The following SPAG16 variants were observed in gnomAD, a reference collection of about 807,000 sequenced individuals.
SPAG16 encodes sperm associated antigen 16, also known as sperm-associated antigen 16 protein.
A neutral mutation model predicts 80.4 loss-of-function variants in SPAG16; 86 were observed. That is an observed-to-expected ratio of 1.07 (90% CI 0.90 to 1.28). The LOEUF is 1.28. Ranked by LOEUF, SPAG16 falls within the 50% of genes most tolerant of loss-of-function variation. The pLI is 0.00. For synonymous variants in SPAG16, 294 were observed against 265.9 expected (o/e 1.11, Z -1.03); for missense variants, 870 against 765.3 (o/e 1.14, Z -1.61).
At chr2:213,932,162 AT>A (rs2078778088) in intron 12 of SPAG16, among the ~76,000 whole-genome samples, 2 of 12,762 alleles carry the variant, frequency 1.6e-4, no homozygotes, top group African/African-American at 2.9e-4. Context: ...ATATATATAT[AT>A]ATATATATAT....
intron 13 of SPAG16, among the ~76,000 whole-genome samples, chr2:214,026,281 A>T (rs149449687): frequency 1.6e-3 from 238 of 151,624 alleles, no homozygotes; most frequent in African/African-American, 5.2e-3. Context: ...AACCATGTGT[A>T]TATTTTTATT....
At chr2:213,788,979 A>G (rs1026004199) in intron 10 of SPAG16, among the ~76,000 whole-genome samples, 1 of 151,956 alleles carries the variant, frequency 6.6e-6, no homozygotes, top group Non-Finnish European at 1.5e-5. Flanking sequence ...TTTGCTTTAT[A>G]AAGATAGATG....
intron 10 of SPAG16, among the ~76,000 whole-genome samples, chr2:213,590,639 G>A (rs1413798933): frequency 6.6e-6 from 1 of 152,106 alleles, no homozygotes. Context: ...TTATTAAAAA[G>A]TCAGAAAATA....
Position 213,895,612 on chromosome 2 carries a change from C to T in SPAG16, c.1214+32984C>T, listed in dbSNP as rs116913638. On this transcript the variant is annotated intron_variant, in intron 11 of 15. Coordinates refer to ENST00000331683, the MANE Select transcript of SPAG16 (RefSeq NM_024532.5). ...ACCCAGATATAAATCCGTGCATTTGCATCCAACTCATCTTTGGCTAAGGTG... is the reference window on the plus strand; with the variant it reads ...ACCCAGATATAAATCCGTGCATTTGTATCCAACTCATCTTTGGCTAAGGTG... Among the ~76,000 whole-genome samples, 405 of 152,268 alleles carry T rather than the reference C, an allele frequency of 2.7e-3. 3 individuals carry two copies. The highest frequency in any genetic ancestry group is 0.011 in the Admixed American group (164 of 15,284).
chr2:213,932,932 C>T (rs1411440025), intron 12 of SPAG16, among the ~76,000 whole-genome samples: 1 of 142,386 alleles, frequency 7.0e-6, no homozygotes, highest in Admixed American at 7.4e-5. Flanking sequence ...ATGTATTTCA[C>T]TTAATGGTTG....
chr2:213,882,796 GTTC>G (rs1234261424), intron 11 of SPAG16, among the ~76,000 whole-genome samples: 1 of 152,078 alleles, frequency 6.6e-6, no homozygotes, highest in African/African-American at 2.4e-5. Flanking sequence ...ATATTATCCA[GTTC>G]TTCTCTAATT....
intron 9 of SPAG16, among the ~76,000 whole-genome samples, chr2:213,413,068 C>T (rs963833300): frequency 6.6e-6 from 1 of 151,968 alleles, no homozygotes; most frequent in Non-Finnish European, 1.5e-5. Flanking sequence ...TATGTTGATA[C>T]TATAAATGGT....
intron 15 of SPAG16, among the ~76,000 whole-genome samples, chr2:214,300,534 T>C (rs1694472175): frequency 6.6e-6 from 1 of 152,080 alleles, no homozygotes; most frequent in South Asian, 2.1e-4. Flanking sequence ...AAATTTGTAC[T>C]GTAGAAGAAT....
chr2:214,003,023 A>T (rs2046865360), intron 12 of SPAG16, among the ~76,000 whole-genome samples: 1 of 152,156 alleles, frequency 6.6e-6, no homozygotes, highest in African/African-American at 2.4e-5. Flanking sequence ...AAAGGCCTCG[A>T]TATGTAGCAT....
chr2:213,370,894 A>T (rs1333634245), intron 8 of SPAG16, among the ~76,000 whole-genome samples: 1 of 152,234 alleles, frequency 6.6e-6, no homozygotes, highest in Non-Finnish European at 1.5e-5. Context: ...CAACATGGGG[A>T]AATAGTTTCT....
At chr2:213,987,992 A>G (rs1032146570) in intron 12 of SPAG16, among the ~76,000 whole-genome samples, 3 of 151,682 alleles carry the variant, frequency 2.0e-5, no homozygotes, top group Non-Finnish European at 2.9e-5. Flanking sequence ...TTAAATACAT[A>G]CATCTTATAC....
intron 10 of SPAG16, among the ~76,000 whole-genome samples, chr2:213,566,522 C>T (rs900117658): frequency 6.6e-5 from 10 of 152,170 alleles, no homozygotes; most frequent in East Asian, 3.9e-4. Context: ...TATTGAGAGT[C>T]GACAACCTTA....
chr2:213,773,799 G>A (rs1200866475), intron 10 of SPAG16, among the ~76,000 whole-genome samples: 4 of 151,834 alleles, frequency 2.6e-5, no homozygotes, highest in South Asian at 2.1e-4. Context: ...TGATCCACCC[G>A]CCTCAGCCTC....
chr2:213,618,197 A>G (rs1011359504), intron 10 of SPAG16, among the ~76,000 whole-genome samples: 4 of 152,164 alleles, frequency 2.6e-5, no homozygotes, highest in African/African-American at 7.2e-5. Flanking sequence ...TTTCCTCAAC[A>G]TAGAACACTC....
rs144184865 is a variant in SPAG16 at position 213,726,237 on chromosome 2, C to A, written c.1071-136248C>A. ...GTAGACAGTGTGTAAATAAATACCC[C>A]ATCTCTCTCATCCCTAGCATTGGCT... On this transcript the variant is annotated intron_variant, in intron 10 of 15. Coordinates refer to ENST00000331683, the MANE Select transcript of SPAG16 (RefSeq NM_024532.5). Among the ~76,000 whole-genome samples, 631 of 152,312 alleles carry A rather than the reference C, an allele frequency of 4.1e-3. 1 individual carries two copies. Among genetic ancestry groups the A allele is most frequent in the Non-Finnish European group, 7.5e-3 (507 of 68,038 alleles).
At chr2:214,362,533 G>C (rs1699246993) in intron 15 of SPAG16, among the ~76,000 whole-genome samples, 1 of 151,682 alleles carries the variant, frequency 6.6e-6, no homozygotes, top group African/African-American at 2.4e-5. Flanking sequence ...TCTTAATGCG[G>C]GGAATCCTGA....
intron 10 of SPAG16, among the ~76,000 whole-genome samples, chr2:213,684,683 T>C (rs541457818): frequency 6.6e-6 from 1 of 152,328 alleles, no homozygotes; most frequent in East Asian, 1.9e-4. Flanking sequence ...AAAAACATCA[T>C]TTAAAGCTGC....
At chr2:213,899,692 G>C (rs1322427743) in intron 11 of SPAG16, among the ~76,000 whole-genome samples, 3 of 152,056 alleles carry the variant, frequency 2.0e-5, no homozygotes, top group African/African-American at 7.2e-5. Flanking sequence ...ATTGCTTCCA[G>C]AACCATAGAG....
intron 10 of SPAG16, among the ~76,000 whole-genome samples, chr2:213,549,338 C>G (rs2076714749): frequency 6.6e-6 from 1 of 151,850 alleles, no homozygotes; most frequent in Non-Finnish European, 1.5e-5. Context: ...AATAAAAGTT[C>G]AAATTTATGA....
Sources: gnomAD v4.1 joint callset for allele counts (sites outside exome capture counted in the v4.1 genomes callset) on GRCh38, gnomAD v4.1.1 for gene constraint, MANE v1.5 for transcripts, NCBI Gene and HGNC (gene_info 2026-07-23, HGNC 2026-07-21) for gene names.